The following SORCS3 variants were observed in gnomAD, a reference collection of about 807,000 sequenced individuals.
SORCS3 encodes VPS10 domain-containing receptor SorCS3.
In SORCS3, 57 loss-of-function variants were observed where a neutral mutation model predicts 146.3. The ratio of observed to expected loss-of-function variants is 0.39; its 90% confidence interval spans 0.31 to 0.49. SORCS3 has a LOEUF of 0.49. SORCS3 is among the 20% of genes least tolerant of loss of function. The probability of loss-of-function intolerance (pLI) is 0.92; values close to 1 mark genes in which losing one functional copy is unlikely to be tolerated. For missense variants in SORCS3, 1,341 were observed against 1,575.5 expected (o/e 0.85, Z 2.52); for synonymous variants, 653 against 618.5 (o/e 1.06, Z -0.83).
chr10:105,029,304 G>A (rs1030026715), intron 4 of SORCS3, among the ~76,000 whole-genome samples: 19 of 152,172 alleles, frequency 1.2e-4, no homozygotes, highest in Non-Finnish European at 1.5e-4. Context: ...CTGTCTTCCT[G>A]TCTCCACCCA....
intron 3 of SORCS3, among the ~76,000 whole-genome samples, chr10:104,940,232 ATATATATTTTTTTTTT>A (rs1419614921): frequency 4.8e-3 from 108 of 22,436 alleles, no homozygotes; most frequent in African/African-American, 0.018. Context: ...ATATATATAT[ATATATATTTTTTTTTT>A]TTTTTTTATT....
rs145747587 is a variant in SORCS3, at chr10:105,223,016, A to T, written c.2735-100A>T. On this transcript the variant is annotated intron_variant, in intron 19 of 26. Transcript: ENST00000369701. ...GGTTTTGTGACCCTTCCTTTTTTACAGGAGATGCGAATAGAATTTAAGGTT... is the reference window on the plus strand; with the variant it reads ...GGTTTTGTGACCCTTCCTTTTTTACTGGAGATGCGAATAGAATTTAAGGTT... 1.1e-4 allele frequency: 138 copies of T among 1,272,062 alleles called. No homozygotes were observed. In the African/African-American group the frequency reaches 2.0e-3, roughly 19 times the overall value. The allele number at this position is 1,272,062 out of a possible 1,614,324, so 78.8% of individuals were successfully genotyped here.
At chr10:104,982,412 G>A (rs994300379) in intron 4 of SORCS3, among the ~76,000 whole-genome samples, 6 of 152,164 alleles carry the variant, frequency 3.9e-5, no homozygotes, top group African/African-American at 1.2e-4. Flanking sequence ...ATTAGTAGGC[G>A]ATGATAAGTT....
At chr10:104,950,993 C>T (rs916479958) in intron 3 of SORCS3, among the ~76,000 whole-genome samples, 3 of 152,276 alleles carry the variant, frequency 2.0e-5, no homozygotes, top group Non-Finnish European at 4.4e-5. Context: ...ACTTTTTGAC[C>T]TGCACATCTA....
intron 1 of SORCS3, among the ~76,000 whole-genome samples, chr10:104,808,939 A>G (rs1244672401): frequency 6.6e-6 from 1 of 152,186 alleles, no homozygotes; most frequent in African/African-American, 2.4e-5. Flanking sequence ...GGATTTGAGA[A>G]ATATTTCGAC....
chr10:105,015,366 A>C (rs2055159099), intron 4 of SORCS3, among the ~76,000 whole-genome samples: 2 of 152,202 alleles, frequency 1.3e-5, no homozygotes, highest in Non-Finnish European at 2.9e-5. Context: ...AAGTAACTCA[A>C]ATGCCCATAG....
chr10:104,768,347 G>A lies in SORCS3; in HGVS notation c.628-74445G>A, dbSNP rs562626944. Among the ~76,000 whole-genome samples, 3 of 152,338 alleles carry A rather than the reference G, an allele frequency of 2.0e-5. No individual in the cohort carries two copies. The South Asian group carries it at 6.2e-4, about 32-fold the overall frequency. ...AGTAGGCACATTGGATTGGAATTCA[G>A]TATTAAGGAGGTGAACAACAGATAG... On this transcript the variant is annotated intron_variant, in intron 1 of 26. Coordinates refer to ENST00000369701, the MANE Select transcript of SORCS3 (RefSeq NM_014978.3).
intron 4 of SORCS3, among the ~76,000 whole-genome samples, chr10:105,001,066 T>C (rs535508863): frequency 1.3e-5 from 2 of 152,338 alleles, no homozygotes; most frequent in Admixed American, 6.5e-5. Context: ...GAGATGGGGT[T>C]CTATCCAGTT....
At chr10:104,720,924 G>A (rs918751479) in intron 1 of SORCS3, among the ~76,000 whole-genome samples, 2 of 152,150 alleles carry the variant, frequency 1.3e-5, no homozygotes, top group Admixed American at 6.5e-5. Flanking sequence ...CACTCTGTAG[G>A]TTGCCTGTTC....
intron 1 of SORCS3, among the ~76,000 whole-genome samples, chr10:104,757,801 A>G (rs2017071339): frequency 6.6e-6 from 1 of 151,958 alleles, no homozygotes; most frequent in African/African-American, 2.4e-5. Context: ...CTCTGGGAGA[A>G]GTTTCACAGC....
At chr10:105,263,180 G>T in intron 26 of SORCS3, 130 bp from the exon 27 acceptor site, 1 of 732,426 alleles carries the variant, frequency 1.4e-6, no homozygotes, top group Non-Finnish European at 2.3e-6. Context: ...ACGATATCCG[G>T]GTGCCTTTTA....
chr10:105,185,523 A>G (rs1334688040), intron 14 of SORCS3, among the ~76,000 whole-genome samples: 1 of 152,138 alleles, frequency 6.6e-6, no homozygotes, highest in East Asian at 1.9e-4. Context: ...CTGCTCTGGT[A>G]AGATTTTAAA....
chr10:104,832,957 A>G (rs2018018305), intron 1 of SORCS3, among the ~76,000 whole-genome samples: 1 of 152,176 alleles, frequency 6.6e-6, no homozygotes, highest in Non-Finnish European at 1.5e-5. Flanking sequence ...TGGGACCCAC[A>G]TCCTAGAGGA....
At chr10:104,963,677 C>A (rs114261370) in intron 3 of SORCS3, among the ~76,000 whole-genome samples, 1,660 of 152,160 alleles carry the variant, frequency 0.011, 29 homozygotes, top group African/African-American at 0.038. Context: ...GAGTATAAAC[C>A]TTGTACATTG....
At chr10:104,851,971 A>G (rs1443632185) in intron 2 of SORCS3, among the ~76,000 whole-genome samples, 2 of 152,232 alleles carry the variant, frequency 1.3e-5, no homozygotes, top group African/African-American at 2.4e-5. Context: ...AGATTTCTTT[A>G]TAAGAATCAC....
At chr10:104,988,803 A>G (rs1322520575) in intron 4 of SORCS3, among the ~76,000 whole-genome samples, 1 of 152,228 alleles carries the variant, frequency 6.6e-6, no homozygotes, top group African/African-American at 2.4e-5. Flanking sequence ...ATTTGTCAAG[A>G]TTCTTTCCCC....
At chr10:104,783,054 AC>A (rs1357799256) in intron 1 of SORCS3, among the ~76,000 whole-genome samples, 1 of 152,248 alleles carries the variant, frequency 6.6e-6, no homozygotes, top group Non-Finnish European at 1.5e-5. Context: ...TGTAGAAATT[AC>A]AACAATCTAC....
intron 20 of SORCS3, among the ~76,000 whole-genome samples, chr10:105,231,264 T>C (rs1344738001): frequency 1.3e-5 from 2 of 152,244 alleles, no homozygotes; most frequent in Non-Finnish European, 2.9e-5. Flanking sequence ...CTGCCTTTGG[T>C]CAGCCATCTT....
intron 4 of SORCS3, among the ~76,000 whole-genome samples, chr10:105,005,014 C>G (rs889116303): frequency 1.3e-5 from 2 of 152,148 alleles, no homozygotes; most frequent in Non-Finnish European, 1.5e-5. Context: ...TCTTTGTAAT[C>G]GTGATATAGT....
Sources: gnomAD v4.1 joint callset for allele counts (sites outside exome capture counted in the v4.1 genomes callset) on GRCh38, gnomAD v4.1.1 for gene constraint, MANE v1.5 for transcripts, NCBI Gene and HGNC (gene_info 2026-07-23, HGNC 2026-07-21) for gene names.